The following PSMG2 variants were observed in gnomAD, a reference collection of about 807,000 sequenced individuals.
PSMG2 encodes CD40 ligand-activated specific transcript 3.
Under a neutral mutation model 31.5 loss-of-function variants are expected in PSMG2, and 21 were observed. The observed-to-expected ratio is 0.67, with a 90% confidence interval of 0.47 to 0.96. The LOEUF (loss-of-function observed/expected upper bound fraction) is 0.96. Among genes scored for constraint, PSMG2 ranks in the 40% least tolerant of loss-of-function variants. The probability of loss-of-function intolerance (pLI) is 0.00; values close to 1 mark genes in which losing one functional copy is unlikely to be tolerated. For missense variants in PSMG2, 318 were observed against 321.2 expected (o/e 0.99, Z 0.08); for synonymous variants, 120 against 110.4 (o/e 1.09, Z -0.54).
chr18:12,696,311 C>T (rs1183437624), intron 1 of PSMG2, among the ~76,000 whole-genome samples: 4 of 151,936 alleles, frequency 2.6e-5, no homozygotes, highest in Non-Finnish European at 5.9e-5. Context: ...GAGACCATCC[C>T]GGCCAACATG....
At chr18:12,687,438 A>G (rs146576077) in intron 1 of PSMG2, among the ~76,000 whole-genome samples, 71 of 152,076 alleles carry the variant, frequency 4.7e-4, no homozygotes, top group Middle Eastern at 6.8e-3. Context: ...ATAGTTCTCA[A>G]CTATAGAAGG....
At chr18:12,697,469 A>AAT (rs1598662519) in intron 1 of PSMG2, 2 of 1,111,828 alleles carry the variant, frequency 1.8e-6, no homozygotes, top group East Asian at 5.1e-5. Flanking sequence ...CCAACATAAA[A>AAT]GAATACTTTT....
chr18:12,701,071 T>A (rs1377133147), upstream of PSMG2: 1 of 1,613,564 alleles, frequency 6.2e-7, no homozygotes, highest in African/African-American at 1.3e-5. Flanking sequence ...TCTTCCCGTA[T>A]AGTCTCAGCA....
At chr18:12,686,521 T>A in intron 1 of PSMG2, 1 of 1,093,802 alleles carries the variant, frequency 9.1e-7, no homozygotes, top group Non-Finnish European at 1.3e-6. Flanking sequence ...TCAAATACAT[T>A]AATGTAGGAT....
chr18:12,681,008 G>T (rs1598627248), intron 1 of PSMG2, among the ~76,000 whole-genome samples: 1 of 152,072 alleles, frequency 6.6e-6, no homozygotes, highest in Middle Eastern at 3.2e-3. Context: ...AGACCAGCCT[G>T]GCCAACATAA....
intron 2 of PSMG2, among the ~76,000 whole-genome samples, chr18:12,707,735 G>A (rs1306522254): frequency 6.6e-6 from 1 of 152,196 alleles, no homozygotes; most frequent in African/African-American, 2.4e-5. Context: ...TCAGTCTTCT[G>A]TTTACCATTT....
At chr18:12,674,442 A>G in intron 1 of PSMG2, 1 of 104,436 alleles carries the variant, frequency 9.6e-6, no homozygotes, top group Non-Finnish European at 2.0e-5. Context: ...ACCTTGAGTT[A>G]AAAAAAAAAA....
At chr18:12,686,698 G>C (rs1242472396) in intron 1 of PSMG2, 1 of 324,890 alleles carries the variant, frequency 3.1e-6, no homozygotes, top group Non-Finnish European at 5.7e-6. Context: ...TTCAAGCTCT[G>C]AGCTGTTTTA....
At chr18:12,671,681 C>T (rs925270129) in intron 1 of PSMG2, among the ~76,000 whole-genome samples, 3 of 115,416 alleles carry the variant, frequency 2.6e-5, no homozygotes, top group Non-Finnish European at 4.9e-5. Flanking sequence ...CAGAGTCTTG[C>T]TCTGTCACCC....
upstream of PSMG2, chr18:12,702,748 A>G (rs944262922): frequency 5.0e-6 from 3 of 605,814 alleles, no homozygotes; most frequent in African/African-American, 2.0e-5. Flanking sequence ...GGCGGCGCCA[A>G]CTGTTTTCAA....
intron 1 of PSMG2, among the ~76,000 whole-genome samples, chr18:12,705,949 T>A (rs1054303359): frequency 7.9e-5 from 12 of 152,244 alleles, no homozygotes; most frequent in Non-Finnish European, 4.4e-5. Context: ...CCACTCTCAC[T>A]GGAATGGAAG....
At chr18:12,675,715 C>T (rs2144988243) in intron 1 of PSMG2, among the ~76,000 whole-genome samples, 1 of 152,116 alleles carries the variant, frequency 6.6e-6, no homozygotes, top group Admixed American at 6.5e-5. Flanking sequence ...GTTGCCCAGG[C>T]TGGAATGCAG....
At chr18:12,683,796 A>G (rs1437920615) in intron 1 of PSMG2, among the ~76,000 whole-genome samples, 1 of 151,992 alleles carries the variant, frequency 6.6e-6, no homozygotes, top group Non-Finnish European at 1.5e-5. Context: ...CAACACATAG[A>G]AAAATGTTCA....
In PSMG2 at chr18:12,668,597, CAAAAAAAAAAA is replaced by C. The variant is rs752216074; in HGVS notation, c.-37+9846_-37+9856del. On this transcript the variant is annotated intron_variant, in intron 1 of 6. Coordinates refer to the PSMG2 transcript ENST00000585331. Reference sequence around the variant, plus strand: ...TGGGAGACAGAGTAAGATTCCATCTCAAAAAAAAAAAAAAAAAAAAAAAAAAAAAAAATAGT... The same window carrying C: ...TGGGAGACAGAGTAAGATTCCATCTCAAAAAAAAAAAAAAAAAAAAATAGT... Among the ~76,000 whole-genome samples, 463 of 72,782 alleles carry C rather than the reference CAAAAAAAAAAA, an allele frequency of 6.4e-3. 2 individuals are homozygous for C. Among genetic ancestry groups the C allele is most frequent in the African/African-American group, 0.023 (415 of 18,016 alleles). The allele number at this position is 72,782 out of a possible 152,430, so 47.7% of individuals were successfully genotyped here. A position where few individuals can be genotyped will look rare whatever the true frequency, so the allele number is the denominator to read the frequency against.
chr18:12,724,593 G>A lies in PSMG2; in HGVS notation c.676G>A (p.Glu226Lys), dbSNP rs888036101. 1.2e-6 allele frequency: 2 copies of A among 1,608,052 alleles called. No homozygotes were observed. Among genetic ancestry groups the A allele is most frequent in the East Asian group, 2.2e-5 (1 of 44,538 alleles). The change falls in exon 6 of 7, where the codon GAG (glutamate) becomes AAG (lysine). Residue 226 changes from glutamate to lysine, a missense_variant. Physicochemically the swap from Glu to Lys is moderately conservative, Grantham distance 56 (BLOSUM62 1). Transcript: ENST00000317615. ...DALGLVEYLN[E>K]WLQILKPLSD... The stretch of plus-strand genomic sequence containing the variant: ...ATTAGGTCTTGTTGAGTATCTTAAT[G>A]AGTGGCTTCAGATACTCAAACCACT...
intron 1 of PSMG2, among the ~76,000 whole-genome samples, chr18:12,706,089 G>T (rs539240721): frequency 6.6e-6 from 1 of 152,350 alleles, no homozygotes; most frequent in South Asian, 2.1e-4. Flanking sequence ...GGCCCCAGCA[G>T]TTGTAGTTAA....
intron 3 of PSMG2, among the ~76,000 whole-genome samples, chr18:12,715,471 T>G (rs1375651911): frequency 6.6e-6 from 1 of 152,124 alleles, no homozygotes; most frequent in African/African-American, 2.4e-5. Context: ...AAATACAGGA[T>G]TTTAGTGACA....
intron 1 of PSMG2, among the ~76,000 whole-genome samples, chr18:12,668,490 A>G (rs932511450): frequency 1.4e-5 from 2 of 146,976 alleles, no homozygotes; most frequent in African/African-American, 2.5e-5. Context: ...GGTCCCAGCT[A>G]TGGAGGCTAA....
intron 1 of PSMG2, chr18:12,686,563 T>C: frequency 1.3e-6 from 1 of 756,964 alleles, no homozygotes; most frequent in Non-Finnish European, 2.1e-6. Context: ...GATCGAGTGC[T>C]TACCTTGTAT....
Sources: allele counts gnomAD v4.1 joint callset (sites outside exome capture counted in the v4.1 genomes callset), GRCh38; gene constraint gnomAD v4.1.1; transcripts MANE v1.5; gene names NCBI Gene and HGNC (gene_info 2026-07-23, HGNC 2026-07-21).